SLC5A5: variants seen among roughly 807,000 people sequenced by gnomAD.
SLC5A5 encodes solute carrier family 5 member 5.
Under a neutral mutation model 68.6 loss-of-function variants are expected in SLC5A5, and 56 were observed. The ratio of observed to expected loss-of-function variants is 0.82; its 90% CI spans 0.66 to 1.02. SLC5A5 has a LOEUF of 1.02. Ranked by LOEUF, SLC5A5 falls within the 50% of genes least tolerant of loss-of-function variation. SLC5A5 has a pLI of 0.00. For synonymous variants in SLC5A5, 398 were observed against 373.0 expected, an observed-to-expected ratio of 1.07 and a Z score of -0.77; for missense variants, 807 against 859.8, an observed-to-expected ratio of 0.94 and a Z score of 0.77.
chr19:17,885,371 T>C (rs1030069106), intron 12 of SLC5A5, among the ~76,000 whole-genome samples: 5 of 151,780 alleles, frequency 3.3e-5, no homozygotes, highest in African/African-American at 1.2e-4. Flanking sequence ...GGTGGGTTTT[T>C]TTGCTTTTTG....
At chr19:17,877,314 A>T (rs748098687) in intron 5 of SLC5A5, among the ~76,000 whole-genome samples, 12 of 146,696 alleles carry the variant, frequency 8.2e-5, no homozygotes, top group Non-Finnish European at 1.2e-4. Flanking sequence ...AATTTAATTA[A>T]TTTTTTTTTT....
At position 17,881,023 on chromosome 19, in the gene SLC5A5, C is replaced by A. The variant is rs994591852; in HGVS notation, c.1058+70C>A. ...GAGCCTCCTTATCCTGGCCTGCCAT[C>A]CCTCTGGGGCATGGAATGTTCTGGA... On this transcript the variant is annotated intron_variant, in intron 8 of 14. Coordinates refer to ENST00000222248, the MANE Select transcript of SLC5A5 (RefSeq NM_000453.3). The A allele has an allele frequency of 5.3e-6, 6 of 1,125,636 alleles. No homozygotes were observed. In the Admixed American group the frequency reaches 8.5e-5, roughly 16 times the overall value. 69.7% of individuals were successfully genotyped at this position (1,125,636 alleles called of 1,614,324 possible). A position where few individuals can be genotyped will look rare whatever the true frequency, so the allele number is the denominator to read the frequency against.
chr19:17,893,000 T>C (rs2030248007), intron 14 of SLC5A5, among the ~76,000 whole-genome samples: 1 of 142,148 alleles, frequency 7.0e-6, no homozygotes, highest in African/African-American at 2.6e-5. Context: ...TTCTCTTCTT[T>C]TCTTTTTTTT....
chr19:17,876,138 G>C (rs760780885), intron 5 of SLC5A5, 32 bp downstream of exon 5: 1 of 1,611,318 alleles, frequency 6.2e-7, no homozygotes, highest in South Asian at 1.1e-5. Context: ...ACTCCAGCAG[G>C]ATGGGGCTGG....
At chr19:17,890,810 T>A (rs2030135829) in intron 13 of SLC5A5, 76 bp from the exon 14 acceptor site, 1 of 994,068 alleles carries the variant, frequency 1.0e-6, no homozygotes, top group African/African-American at 1.6e-5. Context: ...CCTTTCTCCT[T>A]CCCAGGACCT....
chr19:17,885,360 G>T (rs1288050778), intron 12 of SLC5A5, among the ~76,000 whole-genome samples: 1 of 146,466 alleles, frequency 6.8e-6, no homozygotes, highest in African/African-American at 2.7e-5. Context: ...TTGGTTTTTT[G>T]GGTGGGTTTT....
intron 13 of SLC5A5, among the ~76,000 whole-genome samples, chr19:17,889,383 A>T (rs1433807686): frequency 2.0e-5 from 3 of 151,010 alleles, no homozygotes; most frequent in Non-Finnish European, 4.4e-5. Flanking sequence ...TGGGCAAGAG[A>T]GTGAGACTCC....
rs73520743 is a variant in SLC5A5 at position 17,883,764 on chromosome 19, A to C, written c.1326A>C (p.Thr442=). Residue 442 remains threonine, a synonymous_variant, in exon 11 of 15, where the codon ACA becomes ACC. Coordinates refer to ENST00000222248, the MANE Select transcript of SLC5A5 (RefSeq NM_000453.3). ...GAATGTTCCTGCCGGCCTGCAACAC[A>C]CCGGTGAGTGGGGGCGGGGCAAGGG... The part of the protein sequence containing the change: ...ILGMFLPACN[T]PGVLAGLGAG... 0.014 allele frequency: 11,788 copies of C among 835,266 alleles called. 607 individuals are homozygous for C. The African/African-American group carries it at 0.18, about 13-fold the overall frequency. The allele number at this position is 835,266 out of a possible 1,614,324, so 51.7% of individuals were successfully genotyped here.
Position 17,872,222 on chromosome 19 carries a change from A to G in SLC5A5, c.-98A>G, listed in dbSNP as rs1236705689. On this transcript the variant is annotated 5_prime_UTR_variant, in exon 1 of 15. Coordinates refer to ENST00000222248, the MANE Select transcript of SLC5A5 (RefSeq NM_000453.3). Reference sequence around the variant, plus strand: ...GGGACAGGCTGCCGAGCATCCTCCCACCCGCCCTCCCCGTCCTGCCTCCTC... The same window carrying G: ...GGGACAGGCTGCCGAGCATCCTCCCGCCCGCCCTCCCCGTCCTGCCTCCTC... The G allele has an allele frequency of 1.2e-5, 3 of 250,354 alleles. No individual in the cohort carries two copies. In the Middle Eastern group the frequency reaches 3.9e-3, roughly 329 times the overall value. 15.5% of individuals were successfully genotyped at this position (250,354 alleles called of 1,614,324 possible). A position where few individuals can be genotyped will look rare whatever the true frequency, so the allele number is the denominator to read the frequency against.
Position 17,872,253 on chromosome 19 carries a change from CTG to C in SLC5A5, c.-66_-65del. ...CCTCCCCGTCCTGCCTCCTCGGCCC[CTG>C]CCAGCTTCCCCCGCTTGAGCACGCA... is the stretch of plus-strand genomic sequence containing the variant. On this transcript the variant is annotated 5_prime_UTR_variant, in exon 1 of 15. Transcript: ENST00000222248. 9.2e-7 allele frequency: 1 copy of C among 1,091,294 alleles called. No individual in the cohort carries two copies. Among genetic ancestry groups the C allele is most frequent in the Non-Finnish European group, 1.3e-6 (1 of 745,434 alleles). The allele number at this position is 1,091,294 out of a possible 1,614,324, so 67.6% of individuals were successfully genotyped here. A position where few individuals can be genotyped will look rare whatever the true frequency, so the allele number is the denominator to read the frequency against.
intron 13 of SLC5A5, among the ~76,000 whole-genome samples, chr19:17,890,061 CTTTGT>C (rs367989839): frequency 6.6e-6 from 1 of 151,916 alleles, no homozygotes; most frequent in African/African-American, 2.4e-5. Flanking sequence ...CCATTAATGT[CTTTGT>C]TTTGTTTTGT....
chr19:17,873,325 G>T (rs1379430298), intron 1 of SLC5A5, among the ~76,000 whole-genome samples: 1 of 151,988 alleles, frequency 6.6e-6, no homozygotes, highest in Non-Finnish European at 1.5e-5. Context: ...GCCGGATGTG[G>T]TGGTGGGCAC....
chr19:17,880,782 G>A, intron 7 of SLC5A5, 83 bp from the exon 8 acceptor site: 2 of 950,474 alleles, frequency 2.1e-6, no homozygotes, highest in South Asian at 1.3e-5. Context: ...CTTGGGTGCT[G>A]GGGACGTGCA....
chr19:17,874,719 C>A lies in SLC5A5; in HGVS notation c.531C>A (p.Phe177Leu). The A allele has an allele frequency of 6.2e-7, 1 of 1,614,168 alleles. No homozygotes were observed. Among genetic ancestry groups the A allele is most frequent in the Non-Finnish European group, 8.5e-7 (1 of 1,180,016 alleles). Residue 177 changes from phenylalanine to leucine, a missense_variant, in exon 4 of 15, where the codon TTC becomes TTA. Phe to Leu is a conservative substitution (Grantham distance 22). Transcript: ENST00000222248. ...TGTCCACCGGAATTATCTGCACCTT[C>A]TACACGGCTGTGGTGAGTGGCCCTG... ...SLLSTGIICT[F>L]YTAVGGMKAV...
chr19:17,893,210 C>G (rs915058046), intron 14 of SLC5A5, among the ~76,000 whole-genome samples: 7 of 151,268 alleles, frequency 4.6e-5, no homozygotes, highest in African/African-American at 1.5e-4. Context: ...GAGAAATTCT[C>G]CCATCTTTCA....
At position 17,881,964 on chromosome 19, in the gene SLC5A5, GC is replaced by G; in HGVS notation, c.1064del (p.Ala355AspfsTer13). ...CCCGCTGCCTTCCTCACACAGCACAGCATCCACCAGCATCAATGCTATGGCT... is the reference window on the plus strand; with the variant it reads ...CCCGCTGCCTTCCTCACACAGCACAGATCCACCAGCATCAATGCTATGGCT... ...ACAYSGTLST[A>X]STSINAMAAV... is the part of the protein sequence containing the mutation. On this transcript the variant is annotated frameshift_variant, in exon 9 of 15. Transcript: ENST00000222248. 1 of 1,613,322 alleles carries G rather than the reference GC, an allele frequency of 6.2e-7. No individual in the cohort carries two copies. Among genetic ancestry groups the G allele is most frequent in the Non-Finnish European group, 8.5e-7 (1 of 1,179,332 alleles).
intron 1 of SLC5A5, among the ~76,000 whole-genome samples, chr19:17,872,892 G>C (rs2094297855): frequency 6.6e-6 from 1 of 152,168 alleles, no homozygotes; most frequent in Non-Finnish European, 1.5e-5. Context: ...AGAGAGCCTG[G>C]CGTCCTGCTC....
chr19:17,872,340 G>T lies in SLC5A5; in HGVS notation c.21G>T (p.Gly7=). The T allele has an allele frequency of 6.3e-7, 1 of 1,583,124 alleles. No individual in the cohort carries two copies. The change falls in exon 1 of 15, where the codon GGG becomes GGT. Residue 7 remains glycine, a synonymous_variant. Coordinates refer to ENST00000222248, the MANE Select transcript of SLC5A5 (RefSeq NM_000453.3). MEAVET[G]ERPTFGAWDY... ...CCCTCATGGAGGCCGTGGAGACCGG[G>T]GAACGGCCCACCTTCGGAGCCTGGG...
At chr19:17,889,073 G>C (rs1162695733) in intron 13 of SLC5A5, among the ~76,000 whole-genome samples, 1 of 150,814 alleles carries the variant, frequency 6.6e-6, no homozygotes, top group Non-Finnish European at 1.5e-5. Flanking sequence ...ATACATAAAA[G>C]AAAGTGTATA....
Sources: gnomAD v4.1 joint callset for allele counts (sites outside exome capture counted in the v4.1 genomes callset) on GRCh38, gnomAD v4.1.1 for gene constraint, MANE v1.5 for transcripts, NCBI Gene and HGNC (gene_info 2026-07-23, HGNC 2026-07-21) for gene names.